The following FBXL2 variants were observed in gnomAD, a reference collection of about 807,000 sequenced individuals.
FBXL2 encodes F-box/LRR-repeat protein 2.
In FBXL2, 38 loss-of-function variants were observed where a neutral mutation model predicts 69.2. The ratio of observed to expected loss-of-function variants is 0.55; its 90% CI spans 0.42 to 0.72. FBXL2 has a LOEUF of 0.72. Among genes scored for constraint, FBXL2 ranks in the 30% least tolerant of loss-of-function variants. The pLI, the probability that FBXL2 is intolerant of heterozygous loss-of-function variation, is 0.00. For synonymous variants in FBXL2, 192 were observed against 201.3 expected (o/e 0.95, Z 0.39); for missense variants, 354 against 520.3 (o/e 0.68, Z 3.11).
chr3:33,392,990 T>C (rs973047213), downstream of FBXL2: 5 of 321,492 alleles, frequency 1.6e-5, 1 homozygote, highest in Non-Finnish European at 2.8e-5. Context: ...CATCAAATAA[T>C]AGACAAAAGG....
Position 33,375,393 on chromosome 3 carries a change from C to T in FBXL2, c.763C>T (p.Leu255=). The T allele has an allele frequency of 1.9e-6, 3 of 1,614,198 alleles. No homozygotes were observed. The South Asian group carries it at 3.3e-5, about 18-fold the overall frequency. ...CCTCACAGATGCCTCTCTTACAGCC[C>T]TGGGTTTGAACTGTCCGCGACTGCA... ...SNLTDASLTA[L]GLNCPRLQIL... Residue 255 remains leucine, a synonymous_variant, in exon 10 of 15, where the codon CTG becomes TTG. Transcript: ENST00000484457.
chr3:33,387,639 C>CAAACAAAAA lies in FBXL2; in HGVS notation c.*2035_*2036insAAAAAAAAC, dbSNP rs1559657727. ...AAACAAAACAAACAAACAAACAAAA[C>CAAACAAAAA]AAACCACCAGAGCCTTCTATACATG... On this transcript the variant is annotated 3_prime_UTR_variant, in exon 15 of 15. Coordinates refer to ENST00000484457, the MANE Select transcript of FBXL2 (RefSeq NM_012157.5). 7.3e-5 allele frequency: 11 copies of CAAACAAAAA among 151,130 alleles called. No individual in the cohort carries two copies. Among genetic ancestry groups the CAAACAAAAA allele is most frequent in the African/African-American group, 2.7e-4 (11 of 40,614 alleles). The allele number at this position is 151,130 out of a possible 1,614,324, so 9.4% of individuals were successfully genotyped here.
At chr3:33,395,750 G>GAAAAAAAAAAAAAA (rs61654235) in intron 12 of FBXL2, among the ~76,000 whole-genome samples, 3 of 69,762 alleles carry the variant, frequency 4.3e-5, no homozygotes, top group African/African-American at 1.3e-4. Flanking sequence ...CAGGAAAATT[G>GAAAAAAAAAAAAAA]AAAAAAAAAA....
intron 2 of FBXL2, among the ~76,000 whole-genome samples, chr3:33,320,283 T>A (rs2038078522): frequency 1.3e-5 from 2 of 152,104 alleles, no homozygotes; most frequent in South Asian, 2.1e-4. Flanking sequence ...AATGCATGGG[T>A]ACAGGATATA....
downstream of FBXL2, chr3:33,390,343 T>C: frequency 6.2e-7 from 1 of 1,614,122 alleles, no homozygotes; most frequent in Non-Finnish European, 8.5e-7. Flanking sequence ...ACTTCAAAAT[T>C]ATGTGGATGC....
At chr3:33,288,880 G>A (rs542788265) in intron 1 of FBXL2, among the ~76,000 whole-genome samples, 3 of 152,264 alleles carry the variant, frequency 2.0e-5, no homozygotes, top group Admixed American at 6.5e-5. Flanking sequence ...GTAAAATTAG[G>A]GGAGAAGGGA....
chr3:33,338,174 G>A (rs1324191334), intron 2 of FBXL2, among the ~76,000 whole-genome samples: 1 of 152,164 alleles, frequency 6.6e-6, no homozygotes, highest in East Asian at 1.9e-4. Flanking sequence ...CCCTTTGGGA[G>A]GCCAAGGCAG....
At chr3:33,285,391 A>C (rs2034500244) in intron 1 of FBXL2, among the ~76,000 whole-genome samples, 1 of 152,118 alleles carries the variant, frequency 6.6e-6, no homozygotes, top group South Asian at 2.1e-4. Context: ...TGGCTTGTAG[A>C]GTTTCTGCCA....
the FBXL2 span, among the ~76,000 whole-genome samples, chr3:33,417,967 T>C: frequency 1.7e-4 from 26 of 152,288 alleles, no homozygotes; most frequent in African/African-American, 5.8e-4. Context: ...CAAAGAAAAG[T>C]TGCTTACATT....
At chr3:33,407,094 G>A (rs1463061789), downstream of FBXL2, among the ~76,000 whole-genome samples, 1 of 152,102 alleles carries the variant, frequency 6.6e-6, no homozygotes, top group Non-Finnish European at 1.5e-5. Flanking sequence ...CTTTTTAAGT[G>A]ACAATCTGTA....
At chr3:33,332,890 G>A (rs2039278943) in intron 2 of FBXL2, among the ~76,000 whole-genome samples, 1 of 152,210 alleles carries the variant, frequency 6.6e-6, no homozygotes, top group South Asian at 2.1e-4. Flanking sequence ...TTGTATATAA[G>A]TACAGTGGGA....
At chr3:33,312,803 AAG>A (rs886730480) in intron 2 of FBXL2, among the ~76,000 whole-genome samples, 2 of 152,158 alleles carry the variant, frequency 1.3e-5, no homozygotes, top group African/African-American at 4.8e-5. Context: ...TTTCAGGAAT[AAG>A]AGAGGAGATA....
intron 2 of FBXL2, among the ~76,000 whole-genome samples, chr3:33,346,976 A>G (rs897262119): frequency 6.6e-6 from 1 of 152,194 alleles, no homozygotes; most frequent in East Asian, 1.9e-4. Flanking sequence ...TTACAAACCA[A>G]TTATACTCTT....
intron 2 of FBXL2, among the ~76,000 whole-genome samples, chr3:33,327,946 TA>T (rs1441743230): frequency 2.3e-5 from 2 of 88,282 alleles, no homozygotes; most frequent in Non-Finnish European, 4.5e-5. Context: ...TAGAAAAAGC[TA>T]AAGAATCTAC....
At chr3:33,336,153 C>T (rs1258243032) in intron 2 of FBXL2, among the ~76,000 whole-genome samples, 2 of 151,978 alleles carry the variant, frequency 1.3e-5, no homozygotes, top group African/African-American at 2.4e-5. Flanking sequence ...TCACAAAGAA[C>T]AAGAGCAAAG....
intron 1 of FBXL2, among the ~76,000 whole-genome samples, chr3:33,296,031 T>G (rs1276843526): frequency 6.6e-6 from 1 of 152,194 alleles, no homozygotes; most frequent in East Asian, 1.9e-4. Flanking sequence ...CTACACTTTC[T>G]TGATGGTGCC....
At chr3:33,332,525 A>C (rs2039246836) in intron 2 of FBXL2, among the ~76,000 whole-genome samples, 1 of 152,250 alleles carries the variant, frequency 6.6e-6, no homozygotes, top group African/African-American at 2.4e-5. Flanking sequence ...AATAATCCAA[A>C]TGTCCATCAA....
chr3:33,375,978 G>A (rs2042607079), intron 10 of FBXL2, among the ~76,000 whole-genome samples: 1 of 152,148 alleles, frequency 6.6e-6, no homozygotes, highest in African/African-American at 2.4e-5. Context: ...CCAACATGGT[G>A]ACACCTCGTC....
At chr3:33,285,504 T>C (rs1442471817) in intron 1 of FBXL2, among the ~76,000 whole-genome samples, 1 of 152,226 alleles carries the variant, frequency 6.6e-6, no homozygotes, top group East Asian at 1.9e-4. Flanking sequence ...TTGGTGAATC[T>C]GACAATTATG....
Sources: gnomAD v4.1 joint callset for allele counts (sites outside exome capture counted in the v4.1 genomes callset) on GRCh38, gnomAD v4.1.1 for gene constraint, MANE v1.5 for transcripts, NCBI Gene and HGNC (gene_info 2026-07-23, HGNC 2026-07-21) for gene names.